Variants in CTSB observed in about 807,000 individuals in gnomAD.
CTSB encodes APP secretase.
CTSB carries 57 observed loss-of-function variants against 44.3 expected under a neutral mutation model. The observed-to-expected ratio is 1.29, with a 90% CI of 1.04 to 1.60. CTSB has a LOEUF of 1.60. CTSB is among the 40% of genes most tolerant of loss of function. CTSB has a pLI of 0.00. For missense variants in CTSB, 768 were observed against 443.0 expected (o/e 1.73, Z -6.59); for synonymous variants, 320 against 168.0 (o/e 1.91, Z -7.00).
chr8:11,858,079 T>G (rs1202680135), intron 1 of CTSB: 1 of 152,176 alleles, frequency 6.6e-6, no homozygotes, highest in Non-Finnish European at 1.5e-5. Flanking sequence ...AAAATGGAGC[T>G]AGTAACCATC....
rs1227457312 is a variant in CTSB at position 11,845,672 on chromosome 8, C to T, written c.911G>A (p.Trp304Ter). ...GGGCAGCCACTCACCATTGTCACCC[C>T]AGTCAGTGTTCCAGGAGTTGGCAAC... ...WLVANSWNTD[W>*]GDNGFFKILR... Residue 304 changes from tryptophan to a stop codon, truncating the protein, a stop_gained, in exon 9 of 10, where the codon TGG becomes TAG. Transcript: ENST00000353047. LOFTEE classifies it high-confidence loss of function. 6.2e-7 allele frequency: 1 copy of T among 1,613,340 alleles called. No homozygotes were observed. The highest frequency in any genetic ancestry group is 8.5e-7 in the Non-Finnish European group (1 of 1,179,364).
intron 1 of CTSB, among the ~76,000 whole-genome samples, chr8:11,856,429 G>A (rs1000333122): frequency 6.6e-6 from 1 of 151,774 alleles, no homozygotes; most frequent in African/African-American, 2.4e-5. Context: ...GCCTGACTAA[G>A]GTGGTGAAAC....
At chr8:11,856,347 G>C (rs968853957) in intron 1 of CTSB, among the ~76,000 whole-genome samples, 2 of 152,166 alleles carry the variant, frequency 1.3e-5, no homozygotes, top group Admixed American at 6.6e-5. Context: ...AAAGCAATTA[G>C]TTGGTGGGGC....
intron 1 of CTSB, among the ~76,000 whole-genome samples, chr8:11,858,326 ACT>A (rs1307834697): frequency 6.6e-5 from 10 of 152,006 alleles, no homozygotes; most frequent in African/African-American, 2.4e-4. Context: ...ACAGGATCTC[ACT>A]CTGTTGCCCA....
chr8:11,845,422 A>C (rs1813103282), intron 9 of CTSB, among the ~76,000 whole-genome samples, 200 bp from the exon 10 acceptor site: 1 of 152,066 alleles, frequency 6.6e-6, no homozygotes. Context: ...CACCCTTCCC[A>C]TCACAGGATC....
At position 11,844,358 on chromosome 8, in the gene CTSB, GTTAAC is replaced by G. The variant is rs1812829693; in HGVS notation, c.*762_*766del. 2 of 151,144 alleles carry G rather than the reference GTTAAC, an allele frequency of 1.3e-5. No homozygotes were observed. Among genetic ancestry groups the G allele is most frequent in the African/African-American group, 4.8e-5 (2 of 41,374 alleles). 9.4% of individuals were successfully genotyped at this position (151,144 alleles called of 1,614,324 possible). A position where few individuals can be genotyped will look rare whatever the true frequency, so the allele number is the denominator to read the frequency against. On this transcript the variant is annotated 3_prime_UTR_variant, in exon 10 of 10. Transcript: ENST00000353047. ...ACTTTTATTGGCACAGGCATTCCTT[GTTAAC>G]TTGACAGGGTGAAGCTGTAATTTTT...
Position 11,849,104 on chromosome 8 carries a change from T to C in CTSB, c.388A>G (p.Ser130Gly), listed in dbSNP as rs757485658. 25 of 1,613,518 alleles carry C rather than the reference T, an allele frequency of 1.5e-5. No individual in the cohort carries two copies. Among genetic ancestry groups the C allele is most frequent in the Non-Finnish European group, 1.4e-5 (17 of 1,179,888 alleles). Residue 130 changes from serine to glycine, a missense_variant, in exon 5 of 10, where the codon AGC (serine) becomes GGC (glycine). Physicochemically the swap from Ser to Gly is moderately conservative, Grantham distance 56 (BLOSUM62 0). Transcript: ENST00000353047. ...RICIHTNAHV[S>G]VEVSAEDLLT... ...AGGTCCTCCGCCGACACCTCCACGCTGACGTGCGCATTGGTGTGGATGCAG... is the reference window on the plus strand; with the variant it reads ...AGGTCCTCCGCCGACACCTCCACGCCGACGTGCGCATTGGTGTGGATGCAG...
In CTSB at chr8:11,844,191, A is replaced by C. The variant is rs1311175982; in HGVS notation, c.*934T>G. ...AACATGGCTGGGGCAGCGAGAAGTTAAGATGAAGTCCCAAGAGTCGCAAGA... is the reference window on the plus strand; with the variant it reads ...AACATGGCTGGGGCAGCGAGAAGTTCAGATGAAGTCCCAAGAGTCGCAAGA... On this transcript the variant is annotated 3_prime_UTR_variant, in exon 10 of 10. Coordinates refer to ENST00000353047, the MANE Select transcript of CTSB (RefSeq NM_001908.5). 6.6e-6 allele frequency: 1 copy of C among 152,228 alleles called. No homozygotes were observed. Among genetic ancestry groups the C allele is most frequent in the Non-Finnish European group, 1.5e-5 (1 of 68,038 alleles). The allele number at this position is 152,228 out of a possible 1,614,324, so 9.4% of individuals were successfully genotyped here.
intron 8 of CTSB, 129 bp from the exon 9 acceptor site, chr8:11,845,918 A>C (rs1363863491): frequency 1.8e-6 from 2 of 1,095,356 alleles, no homozygotes; most frequent in Non-Finnish European, 2.5e-6. Flanking sequence ...CTGCTCCACC[A>C]GGAGGCTCCA....
chr8:11,847,069 A>C lies in CTSB; in HGVS notation c.776T>G (p.Phe259Cys), dbSNP rs1471341862. ...VEGAFSVYSD[F>C]LLYKSGVYQH... ...GCACGCACCTGACTTGTAGAGCAGG[A>C]AGTCCGAATACACAGAGAAAGCTCC... Residue 259 changes from phenylalanine (F) to cysteine (C), a missense_variant, in exon 8 of 10, where the codon TTC becomes TGC. Transcript: ENST00000353047. 1 of 1,584,554 alleles carries C rather than the reference A, an allele frequency of 6.3e-7. No individual in the cohort carries two copies. Among genetic ancestry groups the C allele is most frequent in the Non-Finnish European group, 8.6e-7 (1 of 1,159,770 alleles).
chr8:11,851,828 G>A (rs1028083629), intron 3 of CTSB, among the ~76,000 whole-genome samples: 3 of 151,994 alleles, frequency 2.0e-5, no homozygotes, highest in Admixed American at 1.3e-4. Flanking sequence ...CACCACGCCT[G>A]GCAAAGTTTT....
At chr8:11,857,067 A>T (rs898760358) in intron 1 of CTSB, among the ~76,000 whole-genome samples, 1 of 152,164 alleles carries the variant, frequency 6.6e-6, no homozygotes, top group Non-Finnish European at 1.5e-5. Flanking sequence ...TCTGTGGCAC[A>T]TGCTGGAGTA....
intron 1 of CTSB, chr8:11,864,616 C>T (rs1299525): frequency 0.45 from 68,167 of 151,992 alleles, 15,340 homozygotes; most frequent in South Asian, 0.51. Flanking sequence ...GAGTGGTCTA[C>T]AGAGGCGGAC....
At chr8:11,853,129 A>T (rs1038966971) in intron 2 of CTSB, among the ~76,000 whole-genome samples, 200 bp downstream of exon 2, 2 of 151,560 alleles carry the variant, frequency 1.3e-5, no homozygotes, top group Non-Finnish European at 2.9e-5. Context: ...ATGCACACAC[A>T]CTCATGCACA....
At position 11,845,140 on chromosome 8, in the gene CTSB, G is replaced by T. The variant is rs751754941; in HGVS notation, c.1005C>A (p.Tyr335Ter). The T allele has an allele frequency of 1.5e-5, 25 of 1,612,946 alleles. No homozygotes were observed. The highest frequency in any genetic ancestry group is 2.0e-5 in the Non-Finnish European group (24 of 1,178,896). ...CCACGGCAGATTAGATCTTTTCCCA[G>T]TACTGATCGGTGCGTGGAATTCCAG... ...VVAGIPRTDQ[Y>*]WEKI The change falls in exon 10 of 10, where the codon TAC becomes TAA. Residue 335 changes from tyrosine to a stop codon, truncating the protein, a stop_gained. Transcript: ENST00000353047. LOFTEE classifies it high-confidence loss of function.
chr8:11,867,678 T>A (rs1586225226), intron 1 of CTSB: 1 of 152,146 alleles, frequency 6.6e-6, no homozygotes, highest in East Asian at 1.9e-4. Flanking sequence ...CGCAGGCGCC[T>A]CCCTCGGCGG....
intron 1 of CTSB, among the ~76,000 whole-genome samples, chr8:11,857,671 C>G (rs1400578258): frequency 1.3e-5 from 2 of 152,132 alleles, no homozygotes; most frequent in East Asian, 3.8e-4. Context: ...ACAGGGCCCC[C>G]TCGCCACTTC....
intron 7 of CTSB, 64 bp downstream of exon 7, chr8:11,847,615 T>A: frequency 6.7e-7 from 1 of 1,484,282 alleles, no homozygotes; most frequent in Non-Finnish European, 9.0e-7. Context: ...CGCTGCAGCG[T>A]GAGGAGGGAT....
At chr8:11,849,317 A>C (rs914271968) in intron 4 of CTSB, 153 bp from the exon 5 acceptor site, 3 of 548,136 alleles carry the variant, frequency 5.5e-6, no homozygotes, top group African/African-American at 1.9e-5. Flanking sequence ...CTCAGCTTTT[A>C]TTTTCTTTGG....
Sources: gnomAD v4.1 joint callset for allele counts (sites outside exome capture counted in the v4.1 genomes callset) on GRCh38, gnomAD v4.1.1 for gene constraint, MANE v1.5 for transcripts, NCBI Gene and HGNC (gene_info 2026-07-23, HGNC 2026-07-21) for gene names.